RFX8: variants seen among roughly 807,000 people sequenced by gnomAD.
The protein encoded by RFX8 is DNA-binding protein RFX8.
In RFX8, 46 loss-of-function variants were observed where a neutral mutation model predicts 54.6. The ratio of observed to expected loss-of-function variants is 0.84; its 90% CI spans 0.67 to 1.08. The LOEUF is 1.08. Among genes scored for constraint, RFX8 ranks in the 50% least tolerant of loss-of-function variants. The probability of loss-of-function intolerance (pLI) is 0.00; values close to 1 mark genes in which losing one functional copy is unlikely to be tolerated. For missense variants in RFX8, 536 were observed against 562.3 expected, an observed-to-expected ratio of 0.95 and a Z score of 0.47; for synonymous variants, 192 against 209.5, an observed-to-expected ratio of 0.92 and a Z score of 0.72.
chr2:101,454,364 C>T (rs1034194743), intron 2 of RFX8, among the ~76,000 whole-genome samples: 7 of 152,170 alleles, frequency 4.6e-5, no homozygotes, highest in African/African-American at 1.7e-4. Flanking sequence ...CATATGTGTG[C>T]ATGTGTCTTT....
intron 2 of RFX8, among the ~76,000 whole-genome samples, chr2:101,455,568 G>A (rs1192955716): frequency 6.6e-6 from 1 of 152,104 alleles, no homozygotes; most frequent in African/African-American, 2.4e-5. Flanking sequence ...CTGGTCCATT[G>A]GTCTATATCT....
At chr2:101,472,089 G>A (rs1690032005) in intron 1 of RFX8, among the ~76,000 whole-genome samples, 2 of 152,076 alleles carry the variant, frequency 1.3e-5, no homozygotes, top group Admixed American at 6.6e-5. Context: ...TAGTACCAAC[G>A]ATCTGTTTTG....
intron 4 of RFX8, among the ~76,000 whole-genome samples, chr2:101,420,766 G>C (rs1185502946): frequency 1.3e-5 from 2 of 151,948 alleles, no homozygotes; most frequent in African/African-American, 4.8e-5. Context: ...AGCACTCCCT[G>C]GCCTTCTCTG....
intron 2 of RFX8, among the ~76,000 whole-genome samples, chr2:101,443,499 A>G (rs910782081): frequency 6.6e-6 from 1 of 152,198 alleles, no homozygotes; most frequent in African/African-American, 2.4e-5. Flanking sequence ...CAAATCATGT[A>G]CAGGGAACAA....
chr2:101,402,883 G>A (rs1685528931), intron 10 of RFX8, 131 bp from the exon 11 acceptor site: 2 of 835,348 alleles, frequency 2.4e-6, no homozygotes, highest in Non-Finnish European at 3.6e-6. Flanking sequence ...TTACCCAGAA[G>A]AGGCCTGGGT....
chr2:101,426,344 T>TA (rs896973289), intron 2 of RFX8, among the ~76,000 whole-genome samples: 33 of 149,410 alleles, frequency 2.2e-4, no homozygotes, highest in Non-Finnish European at 1.6e-4. Context: ...TACAAAAAAT[T>TA]AAAAAAAAAC....
Position 101,397,528 on chromosome 2 carries a change from C to A in RFX8, c.*20G>T. On this transcript the variant is annotated 3_prime_UTR_variant, in exon 12 of 12. Transcript: ENST00000428343. ...ATGCAAGTCTATCAGTTTTCTTATT[C>A]TCTATTCAAATAAATAATCTCACAC... 6.8e-7 allele frequency: 1 copy of A among 1,470,600 alleles called. No homozygotes were observed. The highest frequency in any genetic ancestry group is 1.3e-5 in the South Asian group (1 of 74,302). 91.1% of individuals were successfully genotyped at this position (1,470,600 alleles called of 1,614,324 possible).
chr2:101,440,341 A>G (rs1688027912), intron 2 of RFX8, among the ~76,000 whole-genome samples: 2 of 152,322 alleles, frequency 1.3e-5, no homozygotes, highest in South Asian at 4.2e-4. Context: ...TTAGCTGATA[A>G]GAGTGGCTCC....
At chr2:101,412,785 G>T in intron 8 of RFX8, 130 bp downstream of exon 8, 1 of 920,352 alleles carries the variant, frequency 1.1e-6, no homozygotes, top group Non-Finnish European at 1.6e-6. Flanking sequence ...AGAAGTGTGA[G>T]CAGACAACTT....
intron 2 of RFX8, among the ~76,000 whole-genome samples, chr2:101,453,590 C>G (rs1240125497): frequency 6.6e-6 from 1 of 152,018 alleles, no homozygotes; most frequent in Non-Finnish European, 1.5e-5. Context: ...AAAAACAAAA[C>G]AAAACAAAAA....
chr2:101,468,505 G>C (rs891243547), intron 1 of RFX8, among the ~76,000 whole-genome samples: 1 of 152,008 alleles, frequency 6.6e-6, no homozygotes, highest in African/African-American at 2.4e-5. Context: ...GGCCAGGCTG[G>C]TCTTGAACTC....
chr2:101,408,402 G>T (rs1192206582), intron 9 of RFX8, among the ~76,000 whole-genome samples: 1 of 151,878 alleles, frequency 6.6e-6, no homozygotes, highest in Admixed American at 6.6e-5. Context: ...GGAGAATGGC[G>T]TGAACCCTGG....
chr2:101,468,989 TAAGTATATATATAC>T (rs1463567221), intron 1 of RFX8, among the ~76,000 whole-genome samples: 26 of 86,548 alleles, frequency 3.0e-4, no homozygotes, highest in African/African-American at 9.1e-4. Flanking sequence ...TATATATATA[TAAGTATATATATAC>T]GTATATATAT....
chr2:101,471,970 C>T (rs1690021534), intron 1 of RFX8, among the ~76,000 whole-genome samples: 1 of 152,214 alleles, frequency 6.6e-6, no homozygotes, highest in Non-Finnish European at 1.5e-5. Context: ...TGTCTCCAGG[C>T]GTTCAGACCC....
intron 1 of RFX8, among the ~76,000 whole-genome samples, chr2:101,467,338 G>C (rs370252188): frequency 8.5e-5 from 13 of 152,244 alleles, no homozygotes; most frequent in African/African-American, 3.1e-4. Flanking sequence ...GCAGGTGACC[G>C]CAGGGGCCAG....
At chr2:101,427,547 G>A (rs946913903) in intron 2 of RFX8, among the ~76,000 whole-genome samples, 14 of 152,186 alleles carry the variant, frequency 9.2e-5, no homozygotes, top group Non-Finnish European at 1.8e-4. Flanking sequence ...TCTTAGTCTG[G>A]TAAGAATGGT....
chr2:101,432,550 C>G (rs1480913933), intron 2 of RFX8, among the ~76,000 whole-genome samples: 1 of 152,196 alleles, frequency 6.6e-6, no homozygotes, highest in Non-Finnish European at 1.5e-5. Flanking sequence ...GAGCGTGAGG[C>G]CGGAGCAGGC....
chr2:101,413,610 G>A (rs541648695), intron 7 of RFX8, among the ~76,000 whole-genome samples: 2 of 152,190 alleles, frequency 1.3e-5, no homozygotes, highest in African/African-American at 4.8e-5. Flanking sequence ...GAGAAGGCAC[G>A]AGTTACCCCT....
chr2:101,400,481 C>G (rs1295452227), intron 11 of RFX8, among the ~76,000 whole-genome samples: 1 of 152,102 alleles, frequency 6.6e-6, no homozygotes, highest in African/African-American at 2.4e-5. Flanking sequence ...AGTAAATTCC[C>G]ATCCATTGAC....
Sources: allele counts gnomAD v4.1 joint callset (sites outside exome capture counted in the v4.1 genomes callset), GRCh38; gene constraint gnomAD v4.1.1; transcripts MANE v1.5; gene names NCBI Gene and HGNC (gene_info 2026-07-23, HGNC 2026-07-21).